The following ZC3H13 variants were observed in gnomAD, a reference collection of about 807,000 sequenced individuals.
ZC3H13 encodes the protein zinc finger CCCH domain-containing protein 13.
ZC3H13 carries 64 observed loss-of-function variants against 204.1 expected under a neutral mutation model. The ratio of observed to expected loss-of-function variants is 0.31; its 90% CI spans 0.26 to 0.39. The LOEUF (loss-of-function observed/expected upper bound fraction) is 0.39. ZC3H13 is among the 10% of genes least tolerant of loss of function. ZC3H13 has a pLI of 1.00. For synonymous variants in ZC3H13, 667 were observed against 693.7 expected, an observed-to-expected ratio of 0.96 and a Z score of 0.60; for missense variants, 1,833 against 2,082.7, an observed-to-expected ratio of 0.88 and a Z score of 2.33.
chr13:45,999,905 T>G (rs2040615872), intron 8 of ZC3H13, among the ~76,000 whole-genome samples: 1 of 152,222 alleles, frequency 6.6e-6, no homozygotes, highest in South Asian at 2.1e-4. Flanking sequence ...ATGAAACTAT[T>G]AATCTCTCCT....
intron 4 of ZC3H13, among the ~76,000 whole-genome samples, chr13:46,041,089 T>C (rs1037668631): frequency 2.0e-5 from 3 of 151,990 alleles, no homozygotes; most frequent in Admixed American, 1.3e-4. Context: ...ATAAACCCAA[T>C]AGAAATAAAA....
At chr13:46,044,800 A>G (rs2043830727) in intron 3 of ZC3H13, among the ~76,000 whole-genome samples, 155 bp downstream of exon 3, 1 of 152,208 alleles carries the variant, frequency 6.6e-6, no homozygotes, top group Non-Finnish European at 1.5e-5. Context: ...CTTGAAAATA[A>G]CAAAAAGATC....
At chr13:46,025,982 T>C (rs1306003226) in intron 4 of ZC3H13, among the ~76,000 whole-genome samples, 1 of 152,074 alleles carries the variant, frequency 6.6e-6, no homozygotes, top group African/African-American at 2.4e-5. Flanking sequence ...TCAGTCTATA[T>C]ACAGTTTTAG....
rs754085952 is a variant in ZC3H13 at position 45,955,695 on chromosome 13, CACTT to C, written c.*1428_*1431del. On this transcript the variant is annotated 3_prime_UTR_variant, in exon 19 of 19. Coordinates refer to ENST00000679008, the MANE Select transcript of ZC3H13 (RefSeq NM_001330564.2). ...ACATTTTTTTTTTCTTTATTCAAAACACTTAGTAAAGGAAAAGGACACAAGGAAA... is the reference window on the plus strand; with the variant it reads ...ACATTTTTTTTTTCTTTATTCAAAACAGTAAAGGAAAAGGACACAAGGAAA... 2.0e-5 allele frequency: 3 copies of C among 151,814 alleles called. No homozygotes were observed. The highest frequency in any genetic ancestry group is 4.4e-5 in the Non-Finnish European group (3 of 67,918). 9.4% of individuals were successfully genotyped at this position (151,814 alleles called of 1,614,324 possible). A position where few individuals can be genotyped will look rare whatever the true frequency, so the allele number is the denominator to read the frequency against.
chr13:45,994,725 C>G (rs1411791113), intron 8 of ZC3H13, among the ~76,000 whole-genome samples: 1 of 152,166 alleles, frequency 6.6e-6, no homozygotes, highest in Admixed American at 6.5e-5. Flanking sequence ...CAACTGGCTC[C>G]TTCCGCTTGG....
chr13:45,966,026 A>G (rs1952054067), intron 15 of ZC3H13, among the ~76,000 whole-genome samples: 1 of 152,188 alleles, frequency 6.6e-6, no homozygotes, highest in African/African-American at 2.4e-5. Context: ...CACAATTTTT[A>G]GAAAAATGCT....
intron 12 of ZC3H13, among the ~76,000 whole-genome samples, chr13:45,973,617 C>G (rs992089765): frequency 2.0e-5 from 3 of 152,118 alleles, no homozygotes; most frequent in African/African-American, 7.2e-5. Flanking sequence ...AGTGCCATGT[C>G]AGTGTTTAAA....
chr13:46,048,330 C>T (rs549153772), intron 1 of ZC3H13, among the ~76,000 whole-genome samples: 1 of 152,248 alleles, frequency 6.6e-6, no homozygotes, highest in South Asian at 2.1e-4. Context: ...GTAATCCCAG[C>T]ACTTTGGGAG....
At chr13:46,024,574 T>C (rs527434905) in intron 4 of ZC3H13, among the ~76,000 whole-genome samples, 1 of 152,280 alleles carries the variant, frequency 6.6e-6, no homozygotes, top group African/African-American at 2.4e-5. Flanking sequence ...TATCTAGAGG[T>C]TTCTAGGATT....
chr13:45,957,075 T>C lies in ZC3H13; in HGVS notation c.*52A>G, dbSNP rs1375679761. 1 of 1,319,928 alleles carries C rather than the reference T, an allele frequency of 7.6e-7. No individual in the cohort carries two copies. The highest frequency in any genetic ancestry group is 1.5e-5 in the African/African-American group (1 of 66,516). The allele number at this position is 1,319,928 out of a possible 1,614,324, so 81.8% of individuals were successfully genotyped here. A position where few individuals can be genotyped will look rare whatever the true frequency, so the allele number is the denominator to read the frequency against. The stretch of plus-strand genomic sequence containing the variant: ...CAAACCAAAGAACTTTGCAAAAGAA[T>C]ATGCACTGCTGAAGGAAGACAGTAC... On this transcript the variant is annotated 3_prime_UTR_variant, in exon 19 of 19. Coordinates refer to ENST00000679008, the MANE Select transcript of ZC3H13 (RefSeq NM_001330564.2).
intron 4 of ZC3H13, among the ~76,000 whole-genome samples, chr13:46,039,095 G>A (rs887481436): frequency 8.5e-5 from 13 of 152,128 alleles, no homozygotes; most frequent in Admixed American, 2.0e-4. Context: ...AGTTTAGATA[G>A]TGTATTACCT....
rs575198726 is a variant in ZC3H13, at chr13:46,052,243, T to A, written c.-10+161A>T. ...CATAATCAGAGTGAGAAATTACGCCTGAGCACAGGGGGCTATTGCAGAGTT... is the reference window on the plus strand; with the variant it reads ...CATAATCAGAGTGAGAAATTACGCCAGAGCACAGGGGGCTATTGCAGAGTT... On this transcript the variant is annotated intron_variant, in intron 1 of 18. Coordinates refer to ENST00000679008, the MANE Select transcript of ZC3H13 (RefSeq NM_001330564.2). Among the ~76,000 whole-genome samples, 23 of 150,352 alleles carry A rather than the reference T, an allele frequency of 1.5e-4. No homozygotes were observed. The South Asian group carries it at 4.6e-3, about 30-fold the overall frequency.
intron 4 of ZC3H13, among the ~76,000 whole-genome samples, chr13:46,034,295 AC>A (rs1354596696): frequency 4.6e-5 from 7 of 152,220 alleles, no homozygotes; most frequent in Non-Finnish European, 1.0e-4. Flanking sequence ...CTAGATATTT[AC>A]CAAAAGAAAA....
chr13:46,048,311 C>T (rs1341557242), intron 1 of ZC3H13, among the ~76,000 whole-genome samples: 2 of 152,146 alleles, frequency 1.3e-5, no homozygotes, highest in African/African-American at 4.8e-5. Context: ...GGCGCGGTGG[C>T]TCACGCCTGT....
At chr13:45,984,434 A>C in intron 10 of ZC3H13, among the ~76,000 whole-genome samples, 1 of 152,216 alleles carries the variant, frequency 6.6e-6, no homozygotes, top group East Asian at 1.9e-4. Context: ...AATAGAGGAT[A>C]CACAGGAAAA....
intron 4 of ZC3H13, among the ~76,000 whole-genome samples, chr13:46,037,372 T>C (rs1454126542): frequency 6.6e-6 from 1 of 152,222 alleles, no homozygotes; most frequent in Non-Finnish European, 1.5e-5. Context: ...ACAAATTATC[T>C]AATTCTTTCT....
Position 45,968,936 on chromosome 13 carries a change from G to A in ZC3H13, c.3608C>T (p.Ser1203Phe). The A allele has an allele frequency of 6.2e-7, 1 of 1,614,212 alleles. No individual in the cohort carries two copies. Among genetic ancestry groups the A allele is most frequent in the Non-Finnish European group, 8.5e-7 (1 of 1,180,036 alleles). Residue 1203 changes from serine (S) to phenylalanine (F), a missense_variant, in exon 14 of 19, where the codon TCT (serine) becomes TTT (phenylalanine). Coordinates refer to ENST00000679008, the MANE Select transcript of ZC3H13 (RefSeq NM_001330564.2). ...ATTGGATGGGGAGCGAAGACGACCA[G>A]ACGTATGACTACGGTTACTCCGATT... ...GSNRSNRSHT[S>F]GRLRSPSNDS... is the part of the protein sequence containing the mutation.
At chr13:45,958,101 T>G (rs1417260804) in intron 18 of ZC3H13, among the ~76,000 whole-genome samples, 2 of 152,206 alleles carry the variant, frequency 1.3e-5, no homozygotes, top group Non-Finnish European at 2.9e-5. Context: ...TGAGGAAAAC[T>G]TGATTATACA....
At chr13:46,020,899 A>C (rs918475995) in intron 4 of ZC3H13, among the ~76,000 whole-genome samples, 2 of 152,102 alleles carry the variant, frequency 1.3e-5, no homozygotes, top group Non-Finnish European at 2.9e-5. Context: ...ATACTTTAAC[A>C]AACTTGTGAC....
Sources: gnomAD v4.1 joint callset for allele counts (sites outside exome capture counted in the v4.1 genomes callset) on GRCh38, gnomAD v4.1.1 for gene constraint, MANE v1.5 for transcripts, NCBI Gene and HGNC (gene_info 2026-07-23, HGNC 2026-07-21) for gene names.